The following MTTP variants were observed in gnomAD, a reference collection of about 807,000 sequenced individuals.
MTTP encodes the protein microsomal triglyceride transfer protein.
A neutral mutation model predicts 90.6 loss-of-function variants in MTTP; 49 were observed. That is an observed-to-expected ratio of 0.54 (90% CI 0.43 to 0.69). MTTP has a LOEUF of 0.69. Ranked by LOEUF, MTTP falls within the 30% of genes least tolerant of loss-of-function variation. The pLI, the probability that MTTP is intolerant of heterozygous loss-of-function variation, is 0.00. For synonymous variants in MTTP, 347 were observed against 384.2 expected (o/e 0.90, Z 1.13); for missense variants, 945 against 1,067.5 (o/e 0.89, Z 1.60).
intron 1 of MTTP, among the ~76,000 whole-genome samples, chr4:99,579,414 C>T (rs1041556776): frequency 3.9e-5 from 6 of 152,086 alleles, no homozygotes; most frequent in African/African-American, 1.2e-4. Flanking sequence ...GAGCCCTCCT[C>T]GGGGCCTTTG....
chr4:99,574,857 T>C lies in MTTP; in HGVS notation c.-53T>C. 6.2e-7 allele frequency: 1 copy of C among 1,614,056 alleles called. No individual in the cohort carries two copies. The highest frequency in any genetic ancestry group is 8.5e-7 in the Non-Finnish European group (1 of 1,179,946). On this transcript the variant is annotated 5_prime_UTR_variant, in exon 1 of 18. Transcript: ENST00000265517. ...ACTGGCTGCCATTGAAAGAGTCCAC[T>C]TCTCAGTGACTCCTAGCTGGGCACT... is the stretch of plus-strand genomic sequence containing the variant.
chr4:99,599,629 A>G (rs1725647665), intron 8 of MTTP, among the ~76,000 whole-genome samples: 1 of 152,152 alleles, frequency 6.6e-6, no homozygotes, highest in Non-Finnish European at 1.5e-5. Context: ...AATCCTCCCA[A>G]CAATCCTGAG....
Position 99,582,367 on chromosome 4 carries a change from C to T in MTTP, c.249+275C>T, listed in dbSNP as rs565009802. Reference sequence around the variant, plus strand: ...AGATCATGTTAATAGGGAAGTTATACTAGAGTCTTTTCAAAATGTTCTGGG... The same window carrying T: ...AGATCATGTTAATAGGGAAGTTATATTAGAGTCTTTTCAAAATGTTCTGGG... On this transcript the variant is annotated intron_variant, in intron 2 of 17. Transcript: ENST00000265517. Among the ~76,000 whole-genome samples, 45 of 152,248 alleles carry T rather than the reference C, an allele frequency of 3.0e-4. No homozygotes were observed. The South Asian group carries it at 4.8e-3, about 16-fold the overall frequency.
At chr4:99,579,949 A>G (rs1725062904) in intron 1 of MTTP, among the ~76,000 whole-genome samples, 1 of 149,546 alleles carries the variant, frequency 6.7e-6, no homozygotes, top group Non-Finnish European at 1.5e-5. Context: ...AGGTGGGAGG[A>G]TCACTTGAGC....
chr4:99,617,417 AC>A (rs1251145045), intron 15 of MTTP, among the ~76,000 whole-genome samples: 1 of 152,116 alleles, frequency 6.6e-6, no homozygotes, highest in Non-Finnish European at 1.5e-5. Context: ...GTTTCCTGTG[AC>A]CTTTTTTTGG....
rs1724919781 is a variant in MTTP at position 99,574,908 on chromosome 4, A to G, written c.-2A>G. The G allele has an allele frequency of 5.6e-6, 9 of 1,614,192 alleles. No homozygotes were observed. Among genetic ancestry groups the G allele is most frequent in the Admixed American group, 3.3e-5 (2 of 60,026 alleles). On this transcript the variant is annotated 5_prime_UTR_variant, in exon 1 of 18. Coordinates refer to ENST00000265517, the MANE Select transcript of MTTP (RefSeq NM_001386140.1). ...GGATGCAGTTGAGGATTGCTGGTCA[A>G]TATGATTCTTCTTGCTGTGCTTTTT...
intron 3 of MTTP, among the ~76,000 whole-genome samples, chr4:99,585,636 C>A (rs1356874626): frequency 2.0e-5 from 3 of 152,094 alleles, no homozygotes; most frequent in African/African-American, 7.2e-5. Context: ...GACAACCAAT[C>A]ATTTTATAGC....
chr4:99,589,501 A>G (rs1031678547), intron 3 of MTTP, 142 bp from the exon 4 acceptor site: 6 of 661,532 alleles, frequency 9.1e-6, no homozygotes, highest in South Asian at 8.1e-5. Context: ...TTTCACAAAA[A>G]GGAAATTCCA....
intron 14 of MTTP, 129 bp from the exon 15 acceptor site, chr4:99,612,784 T>G (rs754787528): frequency 3.7e-6 from 3 of 821,098 alleles, no homozygotes; most frequent in Non-Finnish European, 6.1e-6. Flanking sequence ...TTAGTTTTTG[T>G]TTTTAGCTGT....
intron 6 of MTTP, among the ~76,000 whole-genome samples, chr4:99,593,684 G>C (rs1267338989): frequency 6.6e-6 from 1 of 152,070 alleles, no homozygotes; most frequent in Middle Eastern, 3.2e-3. Flanking sequence ...GCACCAAATA[G>C]ATGCAAAATA....
Position 99,582,028 on chromosome 4 carries a change from A to C in MTTP, c.185A>C (p.Asn62Thr), listed in dbSNP as rs755219735. Residue 62 changes from asparagine to threonine, a missense_variant, in exon 2 of 18, where the codon AAC (asparagine) becomes ACC (threonine). Asn to Thr is a moderately conservative substitution (Grantham distance 65). Transcript: ENST00000265517. The stretch of plus-strand genomic sequence containing the variant: ...AGCGTGGGCTACCGCATTTCCTCCA[A>C]CGTGGATGTGGCCTTACTATGGAGG... ...QDSVGYRISS[N>T]VDVALLWRNP... is the part of the protein sequence containing the mutation. 6.2e-7 allele frequency: 1 copy of C among 1,614,202 alleles called. No individual in the cohort carries two copies. The highest frequency in any genetic ancestry group is 8.5e-7 in the Non-Finnish European group (1 of 1,180,020).
At chr4:99,579,742 A>G (rs553772358) in intron 1 of MTTP, among the ~76,000 whole-genome samples, 1 of 152,170 alleles carries the variant, frequency 6.6e-6, no homozygotes, top group Non-Finnish European at 1.5e-5. Flanking sequence ...CAAAAGGTAG[A>G]AACTTTGTCT....
chr4:99,574,967 A>G lies in MTTP; in HGVS notation c.58A>G (p.Lys20Glu), dbSNP rs781638444. ...CATTTCCTCATATTCAGCTTCTGTT[A>G]AAGGTAAGTTTGTGTTGCCTTTTGC... ...CFISSYSASV[K>E]GHTTGLSLNN... Residue 20 changes from lysine to glutamate, a missense_variant, in exon 1 of 18, where the codon AAA becomes GAA. By Grantham distance (56) the Lys-to-Glu change is moderately conservative (BLOSUM62 1). Coordinates refer to ENST00000265517, the MANE Select transcript of MTTP (RefSeq NM_001386140.1). 1 of 1,614,086 alleles carries G rather than the reference A, an allele frequency of 6.2e-7. No individual in the cohort carries two copies. The highest frequency in any genetic ancestry group is 2.2e-5 in the East Asian group (1 of 44,872).
intron 15 of MTTP, among the ~76,000 whole-genome samples, chr4:99,617,842 A>G (rs1031524481): frequency 6.6e-6 from 1 of 152,194 alleles, no homozygotes; most frequent in East Asian, 1.9e-4. Flanking sequence ...TATGAAAAAT[A>G]CTATTGAGTT....
intron 4 of MTTP, among the ~76,000 whole-genome samples, chr4:99,590,952 A>C (rs866758847): frequency 1.7e-4 from 26 of 152,098 alleles, no homozygotes; most frequent in African/African-American, 5.8e-4. Flanking sequence ...AATTATTACC[A>C]GGCCATTTGT....
intron 7 of MTTP, chr4:99,595,643 T>C (rs1725535655): frequency 6.6e-6 from 1 of 152,174 alleles, no homozygotes; most frequent in Admixed American, 6.5e-5. Context: ...CATAATTTGC[T>C]TAAAGTACAA....
chr4:99,610,241 A>G (rs1323284216), intron 12 of MTTP, among the ~76,000 whole-genome samples: 1 of 152,174 alleles, frequency 6.6e-6, no homozygotes, highest in African/African-American at 2.4e-5. Context: ...ATGTCTTTGT[A>G]TAATCTGAAA....
chr4:99,582,004 G>A lies in MTTP; in HGVS notation c.161G>A (p.Ser54Asn), dbSNP rs1725130307. The A allele has an allele frequency of 6.2e-7, 1 of 1,614,230 alleles. No homozygotes were observed. The highest frequency in any genetic ancestry group is 2.2e-5 in the East Asian group (1 of 44,888). The stretch of plus-strand genomic sequence containing the variant: ...CGGGGCAAAGGAAAACTGCAAGACA[G>A]CGTGGGCTACCGCATTTCCTCCAAC... ...LDRGKGKLQDSVGYRISSNVD... is the reference protein window; with the variant it reads ...LDRGKGKLQDNVGYRISSNVD... Residue 54 changes from serine to asparagine, a missense_variant, in exon 2 of 18, where the codon AGC (serine) becomes AAC (asparagine). Physicochemically the swap from Ser to Asn is conservative, Grantham distance 46. Coordinates refer to ENST00000265517, the MANE Select transcript of MTTP (RefSeq NM_001386140.1).
chr4:99,565,269 C>T (rs1278757409), intron 1 of MTTP, among the ~76,000 whole-genome samples: 1 of 152,046 alleles, frequency 6.6e-6, no homozygotes, highest in African/African-American at 2.4e-5. Context: ...TAATACCTGG[C>T]CTCCTTAGAT....
Sources: gnomAD v4.1 joint callset for allele counts (sites outside exome capture counted in the v4.1 genomes callset) on GRCh38, gnomAD v4.1.1 for gene constraint, MANE v1.5 for transcripts, NCBI Gene and HGNC (gene_info 2026-07-23, HGNC 2026-07-21) for gene names.